The following ANO1 variants were observed in gnomAD, a reference collection of about 807,000 sequenced individuals.
ANO1 encodes anoctamin-1.
A neutral mutation model predicts 124.0 loss-of-function variants in ANO1; 59 were observed. That is an observed-to-expected ratio of 0.48 (90% CI 0.39 to 0.59). ANO1 has a LOEUF of 0.59. ANO1 is among the 20% of genes least tolerant of loss of function. The probability of loss-of-function intolerance (pLI) is 0.00; values close to 1 mark genes in which losing one functional copy is unlikely to be tolerated. For missense variants in ANO1, 1,059 were observed against 1,328.0 expected (o/e 0.80, Z 3.15); for synonymous variants, 529 against 532.0 (o/e 0.99, Z 0.08).
intron 1 of ANO1, among the ~76,000 whole-genome samples, chr11:69,989,538 G>T (rs1376415410): frequency 3.9e-5 from 6 of 152,080 alleles, no homozygotes; most frequent in African/African-American, 1.4e-4. Context: ...TATGGAAGGT[G>T]TGGAGCCAGT....
intron 11 of ANO1, among the ~76,000 whole-genome samples, chr11:70,132,630 C>A (rs1231645536): frequency 6.6e-6 from 1 of 152,246 alleles, no homozygotes; most frequent in Non-Finnish European, 1.5e-5. Flanking sequence ...ACCTAAGGCA[C>A]TGGCCTCCTC....
At position 70,180,027 on chromosome 11, in the gene ANO1, G is replaced by A. The variant is rs765693371; in HGVS notation, c.2374G>A (p.Gly792Ser). The A allele has an allele frequency of 1.9e-6, 3 of 1,613,340 alleles. No homozygotes were observed. The highest frequency in any genetic ancestry group is 2.5e-6 in the Non-Finnish European group (3 of 1,179,338). The change falls in exon 23 of 26, where the codon GGC becomes AGC. Residue 792 changes from glycine to serine, a missense_variant. This residue lies in a region of ANO1 where 809 missense variants were observed against 1,094.9 expected (regional missense o/e 0.74). Transcript: ENST00000355303. ...DIGIWYNILR[G>S]IGKLAVIINA... ...AGGAATCTGGTACAATATCCTCAGA[G>A]GCATTGGGAAGCTTGCTGTCATCAT... is the stretch of plus-strand genomic sequence containing the variant.
Position 70,088,014 on chromosome 11 carries a change from A to G in ANO1, c.371A>G (p.Lys124Arg). Residue 124 changes from lysine (K) to arginine (R), a missense_variant, in exon 2 of 26, where the codon AAG becomes AGG. Around this residue, in one of 2 missense-constraint regions of ANO1, gnomAD observed 250 missense variants for 233.1 expected, o/e 1.07. Transcript: ENST00000355303. ...EPPMDYHEDD[K>R]RFRREEYEGN... is the part of the protein sequence containing the mutation. ...CCGATGGACTACCACGAGGATGACA[A>G]GCGCTTCCGCAGGGAGGAGTACGAG... 6.5e-7 allele frequency: 1 copy of G among 1,539,162 alleles called. No individual in the cohort carries two copies. Among genetic ancestry groups the G allele is most frequent in the Non-Finnish European group, 8.8e-7 (1 of 1,142,148 alleles).
chr11:70,130,451 T>A (rs1398841403), intron 10 of ANO1, among the ~76,000 whole-genome samples: 1 of 152,128 alleles, frequency 6.6e-6, no homozygotes, highest in East Asian at 1.9e-4. Context: ...CCATTCCCAC[T>A]CTGCTGCGTG....
intron 18 of ANO1, among the ~76,000 whole-genome samples, chr11:70,162,111 C>T (rs1368547700): frequency 6.7e-6 from 1 of 148,766 alleles, no homozygotes; most frequent in Non-Finnish European, 1.5e-5. Context: ...GTGAGGGCCC[C>T]GGGCAGTGAG....
chr11:70,115,811 T>C (rs1254795728), intron 7 of ANO1, among the ~76,000 whole-genome samples: 3 of 152,150 alleles, frequency 2.0e-5, no homozygotes, highest in Admixed American at 2.0e-4. Flanking sequence ...CACATAGCCA[T>C]AGGCAGTCTA....
chr11:70,099,838 C>T (rs2045187986), intron 2 of ANO1, among the ~76,000 whole-genome samples: 1 of 152,192 alleles, frequency 6.6e-6, no homozygotes, highest in Admixed American at 6.5e-5. Flanking sequence ...TCTGTGGAAA[C>T]CACACAGGGG....
Position 70,006,653 on chromosome 11 carries a change from TTTC to T in ANO1, c.58+20493_58+20495del, listed in dbSNP as rs201651281. Among the ~76,000 whole-genome samples the T allele has an allele frequency of 0.019, 2,356 of 126,920 alleles. 233 individuals are homozygous for T. In the East Asian group the frequency reaches 0.28, roughly 15 times the overall value. 83.3% of individuals were successfully genotyped at this position (126,920 alleles called of 152,430 possible). On this transcript the variant is annotated intron_variant, in intron 1 of 27. Coordinates refer to the ANO1 transcript ENST00000531349. ...CTTTCTTTTCTTTCTTCTTTCTTTC[TTTC>T]TTCTTTCTTTTTTTTTTTTTTTTTT...
chr11:70,026,222 A>T (rs1856904452), intron 1 of ANO1, among the ~76,000 whole-genome samples: 1 of 147,446 alleles, frequency 6.8e-6, no homozygotes, highest in Non-Finnish European at 1.5e-5. Flanking sequence ...GATGGTGATG[A>T]TGACAGTAAT....
At chr11:70,018,234 G>T (rs1555002237) in intron 1 of ANO1, 1 of 152,292 alleles carries the variant, frequency 6.6e-6, no homozygotes, top group Non-Finnish European at 1.5e-5. Flanking sequence ...GCACACACCT[G>T]CAGTCCCAGC....
At chr11:70,032,408 G>T (rs1440972364) in intron 1 of ANO1, among the ~76,000 whole-genome samples, 1 of 152,160 alleles carries the variant, frequency 6.6e-6, no homozygotes, top group African/African-American at 2.4e-5. Context: ...CAAAGGCCCA[G>T]GGCAGCCTTT....
At chr11:70,076,438 T>C (rs1555010022), upstream of ANO1, among the ~76,000 whole-genome samples, 1 of 151,928 alleles carries the variant, frequency 6.6e-6, no homozygotes, top group East Asian at 1.9e-4. Flanking sequence ...TTACTCTTTT[T>C]TTTTTTTCAT....
At chr11:70,130,071 T>G (rs1348922400) in intron 10 of ANO1, among the ~76,000 whole-genome samples, 1 of 152,234 alleles carries the variant, frequency 6.6e-6, no homozygotes, top group Non-Finnish European at 1.5e-5. Flanking sequence ...GGCATGGTTC[T>G]GCGCATAAGT....
intron 13 of ANO1, 41 bp from the exon 14 acceptor site, chr11:70,153,016 A>C (rs10160639): frequency 0.69 from 1,082,560 of 1,558,868 alleles, 376,800 homozygotes; most frequent in East Asian, 0.8. Context: ...CTCAGACTCA[A>C]AATTAACAAG....
chr11:70,124,879 G>C (rs2046430888), intron 9 of ANO1, among the ~76,000 whole-genome samples: 1 of 152,172 alleles, frequency 6.6e-6, no homozygotes, highest in Admixed American at 6.5e-5. Flanking sequence ...TGCCAACCAC[G>C]CTTAATATGA....
chr11:69,987,053 A>G (rs576600573), intron 1 of ANO1, among the ~76,000 whole-genome samples: 1 of 152,112 alleles, frequency 6.6e-6, no homozygotes, highest in Non-Finnish European at 1.5e-5. Flanking sequence ...TTCTTTTCGA[A>G]TTCCCATGGA....
intron 2 of ANO1, among the ~76,000 whole-genome samples, chr11:70,093,368 T>C (rs10792699): frequency 0.69 from 103,921 of 151,422 alleles, 36,144 homozygotes; most frequent in African/African-American, 0.78. Flanking sequence ...GGGTCAGCTT[T>C]CAGGGTTCCC....
intron 6 of ANO1, among the ~76,000 whole-genome samples, chr11:70,110,611 TG>T (rs2045736864): frequency 6.6e-6 from 1 of 152,004 alleles, no homozygotes; most frequent in Non-Finnish European, 1.5e-5. Context: ...ACCACAGAGA[TG>T]GCCCATTTTC....
At chr11:70,139,642 C>T (rs1027253393) in intron 11 of ANO1, among the ~76,000 whole-genome samples, 1 of 152,152 alleles carries the variant, frequency 6.6e-6, no homozygotes, top group Non-Finnish European at 1.5e-5. Flanking sequence ...ATATTCTTTA[C>T]CCAGTTAACC....
Sources: allele counts gnomAD v4.1 joint callset (sites outside exome capture counted in the v4.1 genomes callset), GRCh38; gene constraint gnomAD v4.1.1; regional missense constraint gnomAD v4.1.1; transcripts MANE v1.5; gene names NCBI Gene and HGNC (gene_info 2026-07-23, HGNC 2026-07-21).